ANO2: variants seen among roughly 807,000 people sequenced by gnomAD.
ANO2 encodes the protein anoctamin 2.
ANO2 carries 101 observed loss-of-function variants against 124.2 expected under a neutral mutation model. That is an observed-to-expected ratio of 0.81 (90% CI 0.69 to 0.96). The LOEUF is 0.96. Among genes scored for constraint, ANO2 ranks in the 40% least tolerant of loss-of-function variants. The pLI is 0.00. For synonymous variants in ANO2, 486 were observed against 482.5 expected (o/e 1.01, Z -0.09); for missense variants, 1,293 against 1,274.5 (o/e 1.01, Z -0.22).
chr12:5,644,337 T>C (rs1310565645), intron 15 of ANO2, among the ~76,000 whole-genome samples: 2 of 152,358 alleles, frequency 1.3e-5, no homozygotes, highest in East Asian at 3.9e-4. Flanking sequence ...TTTTCTATTT[T>C]GTTCCATTGG....
chr12:5,594,188 T>A (rs754332576), intron 20 of ANO2, among the ~76,000 whole-genome samples: 1 of 152,194 alleles, frequency 6.6e-6, no homozygotes. Context: ...ATCAACTGAA[T>A]TGTTGACTCA....
At chr12:5,640,547 A>G (rs1315269602) in intron 15 of ANO2, among the ~76,000 whole-genome samples, 1 of 152,206 alleles carries the variant, frequency 6.6e-6, no homozygotes, top group Non-Finnish European at 1.5e-5. Flanking sequence ...AAACAACCCC[A>G]TCAAAAAGGG....
intron 1 of ANO2, among the ~76,000 whole-genome samples, chr12:5,936,988 A>G (rs182402524): frequency 2.5e-4 from 38 of 152,340 alleles, no homozygotes; most frequent in Non-Finnish European, 4.6e-4. Flanking sequence ...TTGTTTCCAT[A>G]TCTTGACCAC....
intron 4 of ANO2, among the ~76,000 whole-genome samples, chr12:5,851,684 CAA>C (rs548897910): frequency 2.4e-4 from 15 of 62,568 alleles, no homozygotes; most frequent in East Asian, 5.2e-4. Flanking sequence ...GACTCCATCT[CAA>C]AAAAAAAAAA....
chr12:5,696,901 T>C (rs1949205021), intron 14 of ANO2, among the ~76,000 whole-genome samples: 1 of 152,230 alleles, frequency 6.6e-6, no homozygotes, highest in African/African-American at 2.4e-5. Flanking sequence ...AAGCATTTCA[T>C]AGTTTAGTTT....
chr12:5,780,095 C>T (rs1952343260), intron 10 of ANO2, among the ~76,000 whole-genome samples: 1 of 152,224 alleles, frequency 6.6e-6, no homozygotes, highest in Non-Finnish European at 1.5e-5. Context: ...AGAAAATACA[C>T]ACATATATTA....
intron 4 of ANO2, among the ~76,000 whole-genome samples, chr12:5,838,053 T>C (rs142849839): frequency 1.7e-4 from 26 of 152,266 alleles, no homozygotes; most frequent in African/African-American, 6.0e-4. Flanking sequence ...CCCACAGAAG[T>C]TGATGCAGAT....
chr12:5,640,319 A>G (rs1946274241), intron 15 of ANO2, among the ~76,000 whole-genome samples: 1 of 152,130 alleles, frequency 6.6e-6, no homozygotes, highest in Non-Finnish European at 1.5e-5. Context: ...GCTTACCCGA[A>G]CTTTATCACA....
intron 14 of ANO2, among the ~76,000 whole-genome samples, chr12:5,665,859 G>C (rs778894042): frequency 6.6e-6 from 1 of 152,080 alleles, no homozygotes; most frequent in Non-Finnish European, 1.5e-5. Context: ...ACAGGGTACA[G>C]AGCCACCCCC....
At chr12:5,749,071 T>A (rs1046312480) in intron 11 of ANO2, among the ~76,000 whole-genome samples, 1 of 152,222 alleles carries the variant, frequency 6.6e-6, no homozygotes, top group Non-Finnish European at 1.5e-5. Flanking sequence ...ATTGACAACA[T>A]CATCTCCAGG....
chr12:5,689,187 G>C (rs1948828268), intron 14 of ANO2, among the ~76,000 whole-genome samples: 1 of 152,148 alleles, frequency 6.6e-6, no homozygotes, highest in African/African-American at 2.4e-5. Context: ...CTTGAGAAAA[G>C]GGAGAGGTTG....
Position 5,573,739 on chromosome 12 carries a change from T to C in ANO2, c.2621+2095A>G, listed in dbSNP as rs114122538. On this transcript the variant is annotated intron_variant, in intron 23 of 24. Coordinates refer to ENST00000682330, the MANE Select transcript of ANO2 (RefSeq NM_001364791.2). ...CCTGAAACATCTAGGCTAATATAAA[T>C]TGACACTTATGAGTAAATTTATTCA... is the stretch of plus-strand genomic sequence containing the variant. 4.3e-3 allele frequency among the ~76,000 whole-genome samples: 655 copies of C among 152,372 alleles called. 7 individuals carry two copies. Among genetic ancestry groups the C allele is most frequent in the African/African-American group, 0.014 (599 of 41,592 alleles).
intron 10 of ANO2, among the ~76,000 whole-genome samples, chr12:5,765,272 G>A (rs574003688): frequency 4.9e-4 from 75 of 152,282 alleles, no homozygotes; most frequent in African/African-American, 1.7e-3. Context: ...AGCATCTCTC[G>A]ATTGGAAAGC....
chr12:5,787,179 C>T lies in ANO2; in HGVS notation c.1055+12328G>A, dbSNP rs1344599068. Among the ~76,000 whole-genome samples the T allele has an allele frequency of 2.6e-5, 4 of 152,176 alleles. No individual in the cohort carries two copies. The highest frequency in any genetic ancestry group is 7.2e-5 in the African/African-American group (3 of 41,436). Reference sequence around the variant, plus strand: ...CATAGGAGGAAACCATCCTGTTAGACACAAAAAGCACAATCCCAGTTCCTT... The same window carrying T: ...CATAGGAGGAAACCATCCTGTTAGATACAAAAAGCACAATCCCAGTTCCTT... On this transcript the variant is annotated intron_variant, in intron 10 of 24. Transcript: ENST00000682330. The surrounding 1 kb of genome is among the most constrained non-coding windows in gnomAD (Gnocchi z 4.2).
intron 14 of ANO2, among the ~76,000 whole-genome samples, chr12:5,712,485 G>A (rs1220133043): frequency 1.3e-5 from 2 of 152,262 alleles, no homozygotes; most frequent in South Asian, 2.1e-4. Context: ...AGAAATGCCT[G>A]GAGCCACCAA....
intron 3 of ANO2, among the ~76,000 whole-genome samples, chr12:5,876,247 C>T (rs183906868): frequency 2.0e-5 from 3 of 152,254 alleles, no homozygotes; most frequent in Admixed American, 6.5e-5. Flanking sequence ...TCTTATAAGA[C>T]CGTATTTCTC....
chr12:5,744,203 A>C lies in ANO2; in HGVS notation c.1305T>G (p.Phe435Leu), dbSNP rs1339146504. 2.5e-6 allele frequency: 4 copies of C among 1,613,834 alleles called. No homozygotes were observed. The African/African-American group carries it at 4.0e-5, about 16-fold the overall frequency. Residue 435 changes from phenylalanine to leucine, a missense_variant, in exon 12 of 25, where the codon TTT (phenylalanine) becomes TTG (leucine). Phe to Leu is a conservative substitution (Grantham distance 22, BLOSUM62 0). Transcript: ENST00000682330. ...AGAAGAAGACGGTGGCAGGGTTGTC[A>C]AACAGGTGGCTGGCCTGCGCGGTCC... ...ACGTAQASHLFDNPATVFFSI... is the reference protein window; with the variant it reads ...ACGTAQASHLLDNPATVFFSI...
intron 10 of ANO2, among the ~76,000 whole-genome samples, chr12:5,771,904 G>T (rs1952093860): frequency 6.6e-6 from 1 of 152,178 alleles, no homozygotes. Flanking sequence ...AGCAATAAAA[G>T]AAATTATTTA....
intron 7 of ANO2, among the ~76,000 whole-genome samples, chr12:5,826,642 T>C (rs1223634829): frequency 6.6e-6 from 1 of 152,142 alleles, no homozygotes; most frequent in African/African-American, 2.4e-5. Flanking sequence ...AAGATGAATA[T>C]AGCAAAGCAA....
Sources: allele counts gnomAD v4.1 joint callset (sites outside exome capture counted in the v4.1 genomes callset), GRCh38; gene constraint gnomAD v4.1.1; non-coding constraint Gnocchi (gnomAD v3.1); transcripts MANE v1.5; gene names NCBI Gene and HGNC (gene_info 2026-07-23, HGNC 2026-07-21).